NSMCE2: variants seen among roughly 807,000 people sequenced by gnomAD.
NSMCE2 encodes NSE2 SUMO ligase component of SMC5/6 complex, also known as E3 SUMO-protein ligase NSE2.
Under a neutral mutation model 23.8 loss-of-function variants are expected in NSMCE2, and 24 were observed. That is an observed-to-expected ratio of 1.01 (90% CI 0.73 to 1.42). NSMCE2 has a LOEUF of 1.42. Among genes scored for constraint, NSMCE2 ranks in the 40% most tolerant of loss-of-function variants. The pLI is 0.00. For synonymous variants in NSMCE2, 92 were observed against 94.1 expected, an observed-to-expected ratio of 0.98 and a Z score of 0.13; for missense variants, 284 against 296.5, an observed-to-expected ratio of 0.96 and a Z score of 0.31.
At chr8:125,143,847 A>G (rs1820513796) in intron 3 of NSMCE2, among the ~76,000 whole-genome samples, 1 of 152,122 alleles carries the variant, frequency 6.6e-6, no homozygotes, top group Non-Finnish European at 1.5e-5. Context: ...ACACACATCC[A>G]CGTGTCCCAG....
At chr8:125,151,087 C>A in intron 3 of NSMCE2, 84 bp from the exon 4 acceptor site, 1 of 571,540 alleles carries the variant, frequency 1.7e-6, no homozygotes, top group Non-Finnish European at 3.2e-6. Context: ...AGACCATTGA[C>A]TGATGTAGAT....
chr8:125,259,941 G>C (rs1048874776), intron 5 of NSMCE2, among the ~76,000 whole-genome samples: 1 of 152,132 alleles, frequency 6.6e-6, no homozygotes, highest in Non-Finnish European at 1.5e-5. Context: ...AACTGCATTG[G>C]GCTCATGTAA....
intron 5 of NSMCE2, among the ~76,000 whole-genome samples, chr8:125,210,494 A>T (rs1045131950): frequency 2.0e-5 from 3 of 152,186 alleles, no homozygotes; most frequent in African/African-American, 7.2e-5. Flanking sequence ...CATTATACAC[A>T]CATGACCACT....
intron 5 of NSMCE2, among the ~76,000 whole-genome samples, chr8:125,220,803 C>T (rs779794375): frequency 3.3e-5 from 5 of 151,958 alleles, no homozygotes; most frequent in South Asian, 2.1e-4. Context: ...GATCTGAGAT[C>T]GATATAAATT....
Position 125,290,850 on chromosome 8 carries a change from A to G in NSMCE2, c.419-66369A>G, listed in dbSNP as rs146665120. Among the ~76,000 whole-genome samples the G allele has an allele frequency of 7.2e-5, 11 of 152,358 alleles. No homozygotes were observed. In the East Asian group the frequency reaches 2.1e-3, roughly 29 times the overall value. On this transcript the variant is annotated intron_variant, in intron 5 of 7. Transcript: ENST00000287437. ...GTAAAAAGGATAATGTAGTAGCACT[A>G]TCTCAGTATAAATTATTTATAGATT...
chr8:125,249,139 C>G lies in NSMCE2; in HGVS notation c.418+66883C>G, dbSNP rs563544035. ...TGAGCCAAGATCATGCCACTGTACT[C>G]CAGCCTGGGTGACGGAGCAAGACTC... On this transcript the variant is annotated intron_variant, in intron 5 of 7. Transcript: ENST00000287437. 2.0e-5 allele frequency among the ~76,000 whole-genome samples: 3 copies of G among 151,644 alleles called. No individual in the cohort carries two copies. In the South Asian group the frequency reaches 6.3e-4, roughly 32 times the overall value.
chr8:125,326,650 T>G (rs112825205), intron 5 of NSMCE2, among the ~76,000 whole-genome samples: 1,768 of 152,142 alleles, frequency 0.012, 39 homozygotes, highest in African/African-American at 0.039. Context: ...AAAAAAAAGA[T>G]TGGTTAAAAA....
intron 5 of NSMCE2, among the ~76,000 whole-genome samples, chr8:125,244,353 GA>G (rs1825877011): frequency 6.6e-6 from 1 of 151,974 alleles, no homozygotes; most frequent in East Asian, 1.9e-4. Context: ...GAGAGGAGGG[GA>G]AAAAACTTAA....
At chr8:125,364,888 G>A (rs1419487170) in intron 7 of NSMCE2, among the ~76,000 whole-genome samples, 9 of 152,188 alleles carry the variant, frequency 5.9e-5, no homozygotes, top group Non-Finnish European at 1.2e-4. Flanking sequence ...CTAGCAAGTA[G>A]GTGGTAGAGA....
At chr8:125,330,034 G>A (rs1327865105) in intron 5 of NSMCE2, among the ~76,000 whole-genome samples, 1 of 152,046 alleles carries the variant, frequency 6.6e-6, no homozygotes, top group African/African-American at 2.4e-5. Context: ...AGCCAAAGGT[G>A]GGTAAGCTAC....
At chr8:125,256,922 C>CAAAAAAAAAAAAAAAA (rs60308659) in intron 5 of NSMCE2, among the ~76,000 whole-genome samples, 2 of 26,064 alleles carry the variant, frequency 7.7e-5, no homozygotes, top group African/African-American at 2.2e-4. Flanking sequence ...GACTCTGTGT[C>CAAAAAAAAAAAAAAAA]AAAAAAAAAA....
At chr8:125,173,016 G>C (rs1822296168) in intron 4 of NSMCE2, among the ~76,000 whole-genome samples, 1 of 152,046 alleles carries the variant, frequency 6.6e-6, no homozygotes, top group African/African-American at 2.4e-5. Context: ...CGCTAGATGT[G>C]GTCAAACCAA....
chr8:125,156,640 A>G (rs886864681), intron 4 of NSMCE2, among the ~76,000 whole-genome samples: 1 of 152,186 alleles, frequency 6.6e-6, no homozygotes, highest in African/African-American at 2.4e-5. Flanking sequence ...GCTAACCTGA[A>G]CATTTTATAT....
intron 5 of NSMCE2, among the ~76,000 whole-genome samples, chr8:125,236,193 G>C (rs1825540639): frequency 6.6e-6 from 1 of 152,334 alleles, no homozygotes; most frequent in South Asian, 2.1e-4. Flanking sequence ...ATGATTTGGA[G>C]GTGGTGAGGT....
chr8:125,366,153 C>T (rs1440033461), intron 7 of NSMCE2, among the ~76,000 whole-genome samples: 2 of 152,158 alleles, frequency 1.3e-5, no homozygotes, highest in African/African-American at 2.4e-5. Flanking sequence ...TCTCCCTGAC[C>T]CTGCTTTGTT....
At chr8:125,192,750 A>T (rs1823413192) in intron 5 of NSMCE2, among the ~76,000 whole-genome samples, 1 of 152,220 alleles carries the variant, frequency 6.6e-6, no homozygotes. Flanking sequence ...GACATTAATG[A>T]ATGGATTCTA....
intron 5 of NSMCE2, among the ~76,000 whole-genome samples, chr8:125,218,443 G>T (rs980733114): frequency 2.1e-5 from 3 of 143,100 alleles, no homozygotes; most frequent in African/African-American, 7.9e-5. Context: ...ACAGAGTCTT[G>T]CTCTGTCGCT....
At chr8:125,268,316 T>C (rs1335042926) in intron 5 of NSMCE2, among the ~76,000 whole-genome samples, 1 of 152,102 alleles carries the variant, frequency 6.6e-6, no homozygotes, top group Non-Finnish European at 1.5e-5. Flanking sequence ...TTGTGACGTA[T>C]GTGGCAAAGG....
At chr8:125,356,305 A>G (rs1339252747) in intron 5 of NSMCE2, among the ~76,000 whole-genome samples, 4 of 145,924 alleles carry the variant, frequency 2.7e-5, no homozygotes, top group Non-Finnish European at 6.0e-5. Context: ...TGGGATTATT[A>G]CTGTTACTTT....
Sources: gnomAD v4.1 joint callset for allele counts (sites outside exome capture counted in the v4.1 genomes callset) on GRCh38, gnomAD v4.1.1 for gene constraint, MANE v1.5 for transcripts, NCBI Gene and HGNC (gene_info 2026-07-23, HGNC 2026-07-21) for gene names.